ADAMTS19: variants seen among roughly 807,000 people sequenced by gnomAD.
ADAMTS19 encodes ADAM metallopeptidase with thrombospondin type 1 motif 19, also known as A disintegrin and metalloproteinase with thrombospondin motifs 19.
Under a neutral mutation model 153.3 loss-of-function variants are expected in ADAMTS19, and 93 were observed. That is an observed-to-expected ratio of 0.61 (90% CI 0.51 to 0.72). The LOEUF is 0.72. Among genes scored for constraint, ADAMTS19 ranks in the 30% least tolerant of loss-of-function variants. The pLI, the probability that ADAMTS19 is intolerant of heterozygous loss-of-function variation, is 0.00. For missense variants in ADAMTS19, 1,482 were observed against 1,552.1 expected (o/e 0.95, Z 0.76); for synonymous variants, 600 against 556.6 (o/e 1.08, Z -1.10).
intron 20 of ADAMTS19, among the ~76,000 whole-genome samples, chr5:129,702,209 C>A (rs542765161): frequency 6.6e-6 from 1 of 152,118 alleles, no homozygotes; most frequent in African/African-American, 2.4e-5. Flanking sequence ...CCATGCCAAA[C>A]CATAGTGATT....
intron 10 of ADAMTS19, among the ~76,000 whole-genome samples, chr5:129,623,564 G>C (rs1437020533): frequency 6.6e-6 from 1 of 152,100 alleles, no homozygotes; most frequent in Non-Finnish European, 1.5e-5. Context: ...GCTTTATAAC[G>C]AACAAAGCAT....
At chr5:129,499,781 A>G (rs1351802800) in intron 2 of ADAMTS19, among the ~76,000 whole-genome samples, 2 of 152,094 alleles carry the variant, frequency 1.3e-5, no homozygotes, top group Non-Finnish European at 2.9e-5. Context: ...CTAGTAAGTG[A>G]ATCTGCTATG....
intron 8 of ADAMTS19, among the ~76,000 whole-genome samples, chr5:129,599,727 A>C (rs1026031540): frequency 4.6e-5 from 7 of 152,162 alleles, no homozygotes; most frequent in Non-Finnish European, 8.8e-5. Flanking sequence ...TGTAGTAGAA[A>C]TGTTGGTTTA....
intron 3 of ADAMTS19, among the ~76,000 whole-genome samples, chr5:129,523,034 G>A (rs1428046147): frequency 3.3e-5 from 5 of 149,260 alleles, no homozygotes; most frequent in Admixed American, 6.7e-5. Context: ...CAGCCTGGGC[G>A]GCAGAGTGAG....
At chr5:129,482,125 G>A (rs1750434327) in intron 2 of ADAMTS19, among the ~76,000 whole-genome samples, 2 of 152,100 alleles carry the variant, frequency 1.3e-5, no homozygotes, top group Admixed American at 1.3e-4. Flanking sequence ...GAAGAACTAG[G>A]GTGTTTGAAA....
At chr5:129,543,725 G>A (rs957091848) in intron 6 of ADAMTS19, among the ~76,000 whole-genome samples, 4 of 152,112 alleles carry the variant, frequency 2.6e-5, no homozygotes, top group African/African-American at 4.8e-5. Flanking sequence ...ACATGCAAGC[G>A]GGCCTGAGTC....
intron 3 of ADAMTS19, among the ~76,000 whole-genome samples, chr5:129,515,852 C>T (rs1182269232): frequency 1.3e-5 from 2 of 151,866 alleles, no homozygotes; most frequent in African/African-American, 2.4e-5. Flanking sequence ...AGTGGGCATC[C>T]TTGTAGTGTT....
chr5:129,713,043 G>T (rs2127183936), intron 21 of ADAMTS19, among the ~76,000 whole-genome samples: 1 of 152,240 alleles, frequency 6.6e-6, no homozygotes, highest in Middle Eastern at 3.4e-3. Context: ...CTATTCTTAT[G>T]CAGCGTAATA....
At chr5:129,701,681 G>T in intron 20 of ADAMTS19, 89 bp downstream of exon 20, 2 of 1,383,538 alleles carry the variant, frequency 1.4e-6, no homozygotes, top group Non-Finnish European at 1.9e-6. Flanking sequence ...AATCTGCATT[G>T]AAGTTGATAT....
intron 21 of ADAMTS19, among the ~76,000 whole-genome samples, chr5:129,711,960 A>T (rs1478024737): frequency 6.6e-6 from 1 of 151,998 alleles, no homozygotes; most frequent in Non-Finnish European, 1.5e-5. Context: ...ACTTTGGGTG[A>T]CTTCACATTA....
At chr5:129,468,954 T>C (rs1749969542) in intron 2 of ADAMTS19, among the ~76,000 whole-genome samples, 1 of 152,032 alleles carries the variant, frequency 6.6e-6, no homozygotes, top group Admixed American at 6.6e-5. Flanking sequence ...TTTTTGTGTT[T>C]TTAGTAGAGG....
Position 129,537,091 on chromosome 5 carries a change from C to T in ADAMTS19, c.1328+8414C>T, listed in dbSNP as rs368819255. Among the ~76,000 whole-genome samples, 39 of 151,514 alleles carry T rather than the reference C, an allele frequency of 2.6e-4. No individual in the cohort carries two copies. In the East Asian group the frequency reaches 2.9e-3, roughly 11 times the overall value. On this transcript the variant is annotated intron_variant, in intron 6 of 22. Transcript: ENST00000274487. ...TTAAAAAAAAGAAAAAAGAAAAAAA[C>T]AACCCCATCAAAAAGTGGGTGAAGG...
At chr5:129,718,981 T>A (rs935357652) in intron 21 of ADAMTS19, among the ~76,000 whole-genome samples, 1 of 152,144 alleles carries the variant, frequency 6.6e-6, no homozygotes, top group Non-Finnish European at 1.5e-5. Context: ...CTCCAAAATA[T>A]ATATCTTTGG....
chr5:129,560,443 T>A (rs547811543), intron 7 of ADAMTS19, among the ~76,000 whole-genome samples: 2 of 152,166 alleles, frequency 1.3e-5, no homozygotes, highest in Admixed American at 1.3e-4. Context: ...ATTATCTTTG[T>A]CCCAGTGCGA....
intron 7 of ADAMTS19, among the ~76,000 whole-genome samples, chr5:129,580,103 T>C (rs1749436564): frequency 1.3e-5 from 2 of 152,194 alleles, no homozygotes; most frequent in African/African-American, 4.8e-5. Context: ...GTGTCCTCTC[T>C]TATTTTCTTG....
intron 18 of ADAMTS19, among the ~76,000 whole-genome samples, chr5:129,692,298 A>T (rs1234709970): frequency 6.6e-6 from 1 of 152,132 alleles, no homozygotes; most frequent in East Asian, 1.9e-4. Flanking sequence ...AAAATTTTAC[A>T]TTTAGGTAAA....
chr5:129,581,140 A>G (rs13186848), intron 7 of ADAMTS19, among the ~76,000 whole-genome samples: 77,676 of 152,004 alleles, frequency 0.51, 22,949 homozygotes, highest in Non-Finnish European at 0.65. Context: ...CAGGGATTCA[A>G]CTTCTTCCTG....
In ADAMTS19 at chr5:129,679,836, CT is replaced by C; in HGVS notation, c.2580del (p.Gly861GlufsTer7). ...KIEHSGAFNL[A>X]GTTVHYVRRG... ...GAACACTCTGGAGCCTTCAATTTGG[CT>C]GGAACTACCGTTCATTATGTAAGAC... On this transcript the variant is annotated frameshift_variant, in exon 17 of 23. Transcript: ENST00000274487. LOFTEE classifies it high-confidence loss of function. 6.2e-7 allele frequency: 1 copy of C among 1,613,912 alleles called. No individual in the cohort carries two copies. Among genetic ancestry groups the C allele is most frequent in the Non-Finnish European group, 8.5e-7 (1 of 1,179,864 alleles).
At chr5:129,544,343 G>A (rs758793787) in intron 6 of ADAMTS19, among the ~76,000 whole-genome samples, 4 of 152,058 alleles carry the variant, frequency 2.6e-5, no homozygotes, top group Non-Finnish European at 5.9e-5. Context: ...AAAGCATTTG[G>A]TGAAAGTAGC....
Sources: allele counts gnomAD v4.1 joint callset (sites outside exome capture counted in the v4.1 genomes callset), GRCh38; gene constraint gnomAD v4.1.1; transcripts MANE v1.5; gene names NCBI Gene and HGNC (gene_info 2026-07-23, HGNC 2026-07-21).